The following APBB2 variants were observed in gnomAD, a reference collection of about 807,000 sequenced individuals.
APBB2 encodes the protein amyloid beta precursor protein binding family B member 2.
APBB2 carries 38 observed loss-of-function variants against 82.5 expected under a neutral mutation model. The ratio of observed to expected loss-of-function variants is 0.46; its 90% CI spans 0.36 to 0.60. The LOEUF (loss-of-function observed/expected upper bound fraction) is 0.60. Among genes scored for constraint, APBB2 ranks in the 20% least tolerant of loss-of-function variants. The pLI is 0.00. For missense variants in APBB2, 772 were observed against 972.3 expected (o/e 0.79, Z 2.74); for synonymous variants, 341 against 368.2 (o/e 0.93, Z 0.85).
At chr4:40,822,109 G>A (rs909512077) in intron 16 of APBB2, 59 bp from the exon 17 acceptor site, 2 of 1,581,848 alleles carry the variant, frequency 1.3e-6, no homozygotes, top group Non-Finnish European at 1.7e-6. Context: ...CTTAAGAGTG[G>A]CAGCACATAG....
chr4:40,982,529 G>A (rs571145780), intron 6 of APBB2, among the ~76,000 whole-genome samples: 13 of 151,772 alleles, frequency 8.6e-5, no homozygotes, highest in Non-Finnish European at 1.6e-4. Flanking sequence ...AAACCCTTAG[G>A]AGGTCAAGGC....
intron 7 of APBB2, among the ~76,000 whole-genome samples, chr4:40,936,540 A>C (rs1344871746): frequency 6.6e-6 from 1 of 152,238 alleles, no homozygotes; most frequent in Non-Finnish European, 1.5e-5. Flanking sequence ...TACAGGCGTA[A>C]GCCATGGCGC....
intron 2 of APBB2, among the ~76,000 whole-genome samples, chr4:41,128,011 C>T (rs1397281956): frequency 7.9e-5 from 12 of 151,882 alleles, no homozygotes; most frequent in South Asian, 4.2e-4. Context: ...ACCCAGGAGG[C>T]GGAGATTGCA....
intron 1 of APBB2, among the ~76,000 whole-genome samples, chr4:41,146,591 G>A (rs1046951290): frequency 1.3e-5 from 2 of 152,176 alleles, no homozygotes; most frequent in African/African-American, 4.8e-5. Flanking sequence ...AGTAAGAGCA[G>A]GCTTTTTTCT....
intron 6 of APBB2, among the ~76,000 whole-genome samples, chr4:41,007,644 G>A (rs1426718868): frequency 6.6e-6 from 1 of 152,160 alleles, no homozygotes. Context: ...CTATCTGAGT[G>A]TTCTAAACAA....
chr4:41,069,406 C>T (rs998044409), intron 3 of APBB2, among the ~76,000 whole-genome samples: 4 of 152,260 alleles, frequency 2.6e-5, no homozygotes, highest in Admixed American at 2.0e-4. Flanking sequence ...ATTAGAAACC[C>T]GATGCGATGG....
At position 41,143,050 on chromosome 4, in the gene APBB2, C is replaced by T. The variant is rs2154021870; in HGVS notation, c.-324G>A. On this transcript the variant is annotated 5_prime_UTR_variant, in exon 2 of 18. An upstream start codon of the reference 5' UTR is lost. Transcript: ENST00000508593. ...CAGGAGCTTTCTTTTATGGATTTTC[C>T]ATCCAGCAAATGTTTCTGTTCCACG... The T allele has an allele frequency of 6.6e-6, 1 of 152,244 alleles. No individual in the cohort carries two copies. Among genetic ancestry groups the T allele is most frequent in the South Asian group, 2.1e-4 (1 of 4,824 alleles). The allele number at this position is 152,244 out of a possible 1,614,324, so 9.4% of individuals were successfully genotyped here.
intron 2 of APBB2, among the ~76,000 whole-genome samples, chr4:41,139,637 C>T (rs983957058): frequency 3.9e-5 from 6 of 152,178 alleles, no homozygotes; most frequent in African/African-American, 7.2e-5. Context: ...GAAACTTAAA[C>T]GCACATTGGT....
At chr4:40,864,778 G>C (rs572162029) in intron 12 of APBB2, among the ~76,000 whole-genome samples, 1 of 151,806 alleles carries the variant, frequency 6.6e-6, no homozygotes, top group African/African-American at 2.4e-5. Context: ...ACTGCTGCAG[G>C]GTGTAGCGAG....
chr4:41,002,749 TGTA>T (rs1214994692), intron 6 of APBB2, among the ~76,000 whole-genome samples: 1 of 152,240 alleles, frequency 6.6e-6, no homozygotes, highest in Non-Finnish European at 1.5e-5. Context: ...AAGCATTTTC[TGTA>T]ACACTGTCCA....
intron 6 of APBB2, among the ~76,000 whole-genome samples, chr4:40,988,995 C>T (rs1354791540): frequency 6.6e-6 from 1 of 152,056 alleles, no homozygotes; most frequent in East Asian, 1.9e-4. Context: ...CCTGACTTCA[C>T]GTGATCCACC....
intron 6 of APBB2, among the ~76,000 whole-genome samples, chr4:41,000,047 G>GTA: frequency 7.5e-6 from 1 of 133,898 alleles, no homozygotes; most frequent in Admixed American, 7.9e-5. Context: ...GTGTGTGTAT[G>GTA]TATATGTATA....
At chr4:41,153,010 T>C (rs1762650800) in intron 1 of APBB2, among the ~76,000 whole-genome samples, 1 of 152,228 alleles carries the variant, frequency 6.6e-6, no homozygotes, top group Non-Finnish European at 1.5e-5. Flanking sequence ...GAATATATAC[T>C]TGCTATGCCT....
chr4:40,870,544 C>T (rs889627935), intron 12 of APBB2, among the ~76,000 whole-genome samples: 9 of 152,090 alleles, frequency 5.9e-5, no homozygotes, highest in Non-Finnish European at 1.0e-4. Flanking sequence ...ATAATCTGTA[C>T]CACCTAGAGG....
chr4:41,007,528 T>C (rs1458480592), intron 6 of APBB2, among the ~76,000 whole-genome samples: 1 of 152,082 alleles, frequency 6.6e-6, no homozygotes. Context: ...TCCCAACATA[T>C]AGACCTATAG....
chr4:40,934,960 G>GC, intron 8 of APBB2, 117 bp downstream of exon 8: 1 of 898,872 alleles, frequency 1.1e-6, no homozygotes, highest in East Asian at 2.6e-5. Flanking sequence ...CTAGCAAGAA[G>GC]CCCGATCACT....
chr4:41,000,082 TGTGTG>T, intron 6 of APBB2, among the ~76,000 whole-genome samples: 1 of 137,246 alleles, frequency 7.3e-6, no homozygotes, highest in East Asian at 2.2e-4. Context: ...TGTGTGTGTG[TGTGTG>T]TGTGTGTGTG....
At chr4:40,861,113 G>A (rs1249427056) in intron 12 of APBB2, among the ~76,000 whole-genome samples, 1 of 152,188 alleles carries the variant, frequency 6.6e-6, no homozygotes, top group Non-Finnish European at 1.5e-5. Context: ...CATTTTGGGA[G>A]GCCGAGGTGG....
At chr4:41,206,441 C>T (rs574511265) in intron 1 of APBB2, among the ~76,000 whole-genome samples, 3 of 152,298 alleles carry the variant, frequency 2.0e-5, no homozygotes, top group Admixed American at 1.3e-4. Flanking sequence ...TAAGCATTTG[C>T]TGAACAAAGG....
Sources: allele counts gnomAD v4.1 joint callset (sites outside exome capture counted in the v4.1 genomes callset), GRCh38; gene constraint gnomAD v4.1.1; transcripts MANE v1.5; gene names NCBI Gene and HGNC (gene_info 2026-07-23, HGNC 2026-07-21).